The following SLK variants were observed in gnomAD, a reference collection of about 807,000 sequenced individuals.
SLK encodes the protein STE20 like kinase.
Under a neutral mutation model 147.7 loss-of-function variants are expected in SLK, and 67 were observed. The observed-to-expected ratio is 0.45, with a 90% CI of 0.37 to 0.56. The LOEUF is 0.56. Among genes scored for constraint, SLK ranks in the 20% least tolerant of loss-of-function variants. SLK has a pLI of 0.00. For missense variants in SLK, 1,136 were observed against 1,438.8 expected (o/e 0.79, Z 3.41); for synonymous variants, 441 against 475.0 (o/e 0.93, Z 0.93).
At chr10:104,016,747 A>G (rs1291611571) in intron 13 of SLK, among the ~76,000 whole-genome samples, 1 of 150,796 alleles carries the variant, frequency 6.6e-6, no homozygotes. Context: ...CAAGCCAACC[A>G]TCCTGAGGAG....
chr10:103,983,621 G>A (rs1354318267), intron 1 of SLK, among the ~76,000 whole-genome samples: 1 of 151,774 alleles, frequency 6.6e-6, no homozygotes, highest in African/African-American at 2.4e-5. Context: ...CTTGTTTCCT[G>A]TGAACTTCCT....
At position 104,002,582 on chromosome 10, in the gene SLK, A is replaced by G; in HGVS notation, c.1404A>G (p.Lys468=). The G allele has an allele frequency of 6.2e-7, 1 of 1,605,028 alleles. No individual in the cohort carries two copies. Among genetic ancestry groups the G allele is most frequent in the East Asian group, 2.2e-5 (1 of 44,834 alleles). The part of the protein sequence containing the change: ...TLETNIEHNL[K]SEEEKDQEKQ... ...AAACAAATATTGAACATAATCTAAA[A>G]TCTGAGGAAGAAAAGGATCAGGAAA... The change falls in exon 9 of 19, where the codon AAA becomes AAG. Residue 468 remains lysine (K), a synonymous_variant. Transcript: ENST00000369755.
chr10:103,999,315 TA>T lies in SLK; in HGVS notation c.782+7del. On this transcript the variant is annotated splice_donor_region_variant and intron_variant, in intron 6 of 18. Transcript: ENST00000369755. ...TACATTAGCACAGCCATCCAGATGGTAAAAATATTCTTAAAAAAGCTTAATA... is the reference window on the plus strand; with the variant it reads ...TACATTAGCACAGCCATCCAGATGGTAAAATATTCTTAAAAAAGCTTAATA... 1 of 1,584,628 alleles carries T rather than the reference TA, an allele frequency of 6.3e-7. No individual in the cohort carries two copies. Among genetic ancestry groups the T allele is most frequent in the African/African-American group, 1.4e-5 (1 of 73,402 alleles).
At chr10:103,978,558 T>A (rs940915004) in intron 1 of SLK, among the ~76,000 whole-genome samples, 8 of 152,098 alleles carry the variant, frequency 5.3e-5, no homozygotes, top group South Asian at 2.1e-4. Flanking sequence ...GAATATATAT[T>A]TTTTTTCCTT....
chr10:104,007,148 A>G (rs979668544), intron 11 of SLK, among the ~76,000 whole-genome samples: 1 of 152,084 alleles, frequency 6.6e-6, no homozygotes, highest in African/African-American at 2.4e-5. Context: ...CGATATTATT[A>G]ATAATATTAT....
rs1303481408 is a variant in SLK, at chr10:104,027,688, T to C, written c.*1968T>C. On this transcript the variant is annotated 3_prime_UTR_variant, in exon 19 of 19. Transcript: ENST00000369755. ...AGTTTATTGACTTTTAAAAAATGAA[T>C]ACCTCAGGCAGTAGACATTTTTTTT... 1.3e-5 allele frequency: 2 copies of C among 152,294 alleles called. No individual in the cohort carries two copies. The highest frequency in any genetic ancestry group is 2.9e-5 in the Non-Finnish European group (2 of 68,020). The allele number at this position is 152,294 out of a possible 1,614,324, so 9.4% of individuals were successfully genotyped here.
At position 103,967,179 on chromosome 10, in the gene SLK, G is replaced by A. The variant is rs1400887152; in HGVS notation, c.-567G>A. 1 of 151,512 alleles carries A rather than the reference G, an allele frequency of 6.6e-6. No individual in the cohort carries two copies. The highest frequency in any genetic ancestry group is 2.4e-5 in the African/African-American group (1 of 41,352). The allele number at this position is 151,512 out of a possible 1,614,324, so 9.4% of individuals were successfully genotyped here. A position where few individuals can be genotyped will look rare whatever the true frequency, so the allele number is the denominator to read the frequency against. On this transcript the variant is annotated 5_prime_UTR_variant, in exon 1 of 19. Transcript: ENST00000369755. Reference sequence around the variant, plus strand: ...CGCGCGCTCCAGGCCGAGGCTGTGTGGGCTGGGGAGGGAGACAGGCGGCGG... The same window carrying A: ...CGCGCGCTCCAGGCCGAGGCTGTGTAGGCTGGGGAGGGAGACAGGCGGCGG...
rs771483480 is a variant in SLK, at chr10:103,967,805, G to A, written c.60G>A (p.Gln20=). Residue 20 remains glutamine, a synonymous_variant, in exon 1 of 19, where the codon CAG becomes CAA. Coordinates refer to ENST00000369755, the MANE Select transcript of SLK (RefSeq NM_014720.4). ...TGGGGAGCGAGAAGAAGAAGAAGCA[G>A]TACGAACACGTGAAGAGGGACCTGA... ...FKLGSEKKKK[Q]YEHVKRDLNP... The A allele has an allele frequency of 3.7e-6, 6 of 1,614,134 alleles. No individual in the cohort carries two copies. The highest frequency in any genetic ancestry group is 4.2e-6 in the Non-Finnish European group (5 of 1,179,956).
At chr10:103,981,340 T>G (rs1340393212) in intron 1 of SLK, among the ~76,000 whole-genome samples, 1 of 152,174 alleles carries the variant, frequency 6.6e-6, no homozygotes, top group East Asian at 1.9e-4. Flanking sequence ...TATAACATTT[T>G]ACAATTTTCA....
At chr10:103,992,457 TTCGTTTAGTATATCGTTTC>T in intron 2 of SLK, 122 bp from the exon 3 acceptor site, 1 of 716,680 alleles carries the variant, frequency 1.4e-6, no homozygotes, top group Non-Finnish European at 2.2e-6. Context: ...TGACAAAATC[TTCGTTTAGTATATCGTTTC>T]CATAACCAGA....
chr10:103,999,474 A>G (rs1374468910), intron 6 of SLK, among the ~76,000 whole-genome samples, 161 bp downstream of exon 6: 1 of 152,188 alleles, frequency 6.6e-6, no homozygotes, highest in East Asian at 1.9e-4. Context: ...TCTCTTAAAG[A>G]CCATTAAAAC....
Position 103,990,759 on chromosome 10 carries a change from G to C in SLK, c.235G>C (p.Glu79Gln). 1.3e-6 allele frequency: 2 copies of C among 1,572,388 alleles called. No homozygotes were observed. The highest frequency in any genetic ancestry group is 1.7e-6 in the Non-Finnish European group (2 of 1,161,968). ...AGAAGAACTTGAAGATTACATGGTA[G>C]AGATTGACATATTAGCATCTTGTGA... ...SEEELEDYMV[E>Q]IDILASCDHP... The change falls in exon 2 of 19, where the codon GAG becomes CAG. Residue 79 changes from glutamate (E) to glutamine (Q), a missense_variant. Glu to Gln is a conservative substitution (Grantham distance 29). This residue lies in a region of SLK where 126 missense variants were observed against 141.3 expected (regional missense o/e 0.89). Transcript: ENST00000369755.
rs150441094 is a variant in SLK at position 103,991,271 on chromosome 10, G to A, written c.315+432G>A. Among the ~76,000 whole-genome samples, 40 of 151,960 alleles carry A rather than the reference G, an allele frequency of 2.6e-4. No homozygotes were observed. The South Asian group carries it at 4.4e-3, about 17-fold the overall frequency. ...ATACTAGAAATGTTAAATATTTATCGTATTATCAGGTTCAACTTTAGTGCA... is the reference window on the plus strand; with the variant it reads ...ATACTAGAAATGTTAAATATTTATCATATTATCAGGTTCAACTTTAGTGCA... On this transcript the variant is annotated intron_variant, in intron 2 of 18. Transcript: ENST00000369755.
chr10:104,006,187 T>A, intron 11 of SLK, 152 bp downstream of exon 11: 1 of 819,734 alleles, frequency 1.2e-6, no homozygotes, highest in African/African-American at 1.8e-5. Flanking sequence ...ATTTTTACCC[T>A]TTTGGTGTTC....
chr10:103,982,340 T>G (rs1843957488), intron 1 of SLK, among the ~76,000 whole-genome samples: 2 of 152,226 alleles, frequency 1.3e-5, no homozygotes, highest in Admixed American at 1.3e-4. Context: ...AACTGTGTGA[T>G]CTGAGAATTG....
chr10:103,981,318 T>C (rs1208116412), intron 1 of SLK, among the ~76,000 whole-genome samples: 5 of 152,152 alleles, frequency 3.3e-5, no homozygotes, highest in Non-Finnish European at 7.4e-5. Context: ...TGTAATATTG[T>C]CTTTTAAAAT....
At chr10:103,973,095 T>C (rs1265226651) in intron 1 of SLK, among the ~76,000 whole-genome samples, 2 of 152,238 alleles carry the variant, frequency 1.3e-5, no homozygotes, top group Non-Finnish European at 2.9e-5. Context: ...TTAAGACATT[T>C]CTTCCTAATG....
At chr10:104,005,392 G>C (rs960335372) in intron 9 of SLK, among the ~76,000 whole-genome samples, 169 bp from the exon 10 acceptor site, 1 of 152,160 alleles carries the variant, frequency 6.6e-6, no homozygotes, top group Non-Finnish European at 1.5e-5. Context: ...TGTTATAACT[G>C]GTTCCACAGA....
At chr10:104,021,806 A>G in intron 18 of SLK, 73 bp downstream of exon 18, 1 of 787,672 alleles carries the variant, frequency 1.3e-6, no homozygotes, top group Non-Finnish European at 2.1e-6. Context: ...CTCTTTACCT[A>G]CTGTGTCAGG....
Sources: gnomAD v4.1 joint callset for allele counts (sites outside exome capture counted in the v4.1 genomes callset) on GRCh38, gnomAD v4.1.1 for gene constraint, gnomAD v4.1.1 regional missense constraint, MANE v1.5 for transcripts, NCBI Gene and HGNC (gene_info 2026-07-23, HGNC 2026-07-21) for gene names.